The following AP3B2 variants were observed in gnomAD, a reference collection of about 807,000 sequenced individuals.
The protein encoded by AP3B2 is AP-3 complex subunit beta-2.
Under a neutral mutation model 126.9 loss-of-function variants are expected in AP3B2, and 50 were observed. The ratio of observed to expected loss-of-function variants is 0.39; its 90% CI spans 0.31 to 0.50. The LOEUF is 0.50. Ranked by LOEUF, AP3B2 falls within the 20% of genes least tolerant of loss-of-function variation. The probability of loss-of-function intolerance (pLI) is 0.79; values close to 1 mark genes in which losing one functional copy is unlikely to be tolerated. For synonymous variants in AP3B2, 541 were observed against 565.0 expected (o/e 0.96, Z 0.60); for missense variants, 1,177 against 1,426.4 (o/e 0.83, Z 2.82).
intron 25 of AP3B2, 129 bp from the exon 26 acceptor site, chr15:82,660,112 A>C: frequency 8.2e-7 from 1 of 1,212,292 alleles, no homozygotes; most frequent in Non-Finnish European, 1.2e-6. Context: ...TCAGAATTTA[A>C]ATCATCAGTC....
chr15:82,693,249 CA>C (rs1382216048), intron 1 of AP3B2, among the ~76,000 whole-genome samples: 6 of 127,196 alleles, frequency 4.7e-5, no homozygotes, highest in African/African-American at 1.7e-4. Flanking sequence ...TGCTTTGCAG[CA>C]CTTTTTTTTT....
At chr15:82,692,355 A>G (rs900498471) in intron 1 of AP3B2, 34 of 525,844 alleles carry the variant, frequency 6.5e-5, no homozygotes, top group African/African-American at 6.0e-4. Context: ...GCCCAGCCCA[A>G]CATCGGCACC....
chr15:82,681,309 C>T lies in AP3B2; in HGVS notation c.521+111G>A. ...CCATCTCTGTCAGTCCCCCAAACTACCCTCCTCAAACCCTCTGAGAAGCAG... is the reference window on the plus strand; with the variant it reads ...CCATCTCTGTCAGTCCCCCAAACTATCCTCCTCAAACCCTCTGAGAAGCAG... On this transcript the variant is annotated intron_variant, in intron 5 of 26. Coordinates refer to ENST00000535359, the MANE Select transcript of AP3B2 (RefSeq NM_001278512.2). This position sits in a 1 kb window ranked among gnomAD's most constrained non-coding sequence, Gnocchi z 4.0. 6.5e-7 allele frequency: 1 copy of T among 1,538,230 alleles called. No individual in the cohort carries two copies. Among genetic ancestry groups the T allele is most frequent in the Non-Finnish European group, 8.8e-7 (1 of 1,131,846 alleles).
chr15:82,693,885 G>A lies in AP3B2; in HGVS notation c.114-4432C>T, dbSNP rs532608195. Among the ~76,000 whole-genome samples the A allele has an allele frequency of 2.6e-5, 4 of 151,996 alleles. No individual in the cohort carries two copies. In the South Asian group the frequency reaches 6.2e-4, roughly 24 times the overall value. ...CCAGCTAATTTTTGTATTTTTAGTAGAGATGAGGTTTCTCCATGTTGGTCA... is the reference window on the plus strand; with the variant it reads ...CCAGCTAATTTTTGTATTTTTAGTAAAGATGAGGTTTCTCCATGTTGGTCA... On this transcript the variant is annotated intron_variant, in intron 1 of 26. Transcript: ENST00000535359.
chr15:82,701,009 C>T (rs1334873777), intron 1 of AP3B2, among the ~76,000 whole-genome samples: 2 of 152,044 alleles, frequency 1.3e-5, no homozygotes, highest in Non-Finnish European at 1.5e-5. Flanking sequence ...TATAGACATG[C>T]GTTACCACAA....
chr15:82,676,495 A>G lies in AP3B2; in HGVS notation c.1631T>C (p.Leu544Pro). Residue 544 changes from leucine to proline, a missense_variant, in exon 14 of 27, where the codon CTG becomes CCG. This residue lies in a region of AP3B2 where 308 missense variants were observed against 452.4 expected (regional missense o/e 0.68). Coordinates refer to ENST00000535359, the MANE Select transcript of AP3B2 (RefSeq NM_001278512.2). Reference protein sequence around the residue: ...EDIVKLQVINLAAKLYLTNSK... With the variant: ...EDIVKLQVINPAAKLYLTNSK... ...GTTGGTCAGGTAGAGCTTGGCTGCC[A>G]GGTTGATGACCTGCAGCTTGACAAT... The G allele has an allele frequency of 5.0e-6, 8 of 1,614,052 alleles. No individual in the cohort carries two copies. The highest frequency in any genetic ancestry group is 6.8e-6 in the Non-Finnish European group (8 of 1,179,888).
intron 10 of AP3B2, among the ~76,000 whole-genome samples, chr15:82,678,862 T>G (rs2048285072): frequency 6.6e-6 from 1 of 152,248 alleles, no homozygotes; most frequent in Non-Finnish European, 1.5e-5. Context: ...TTGCTCATCA[T>G]GTACCCCTAG....
At chr15:82,696,029 T>C (rs528993260) in intron 1 of AP3B2, among the ~76,000 whole-genome samples, 3 of 152,316 alleles carry the variant, frequency 2.0e-5, no homozygotes, top group South Asian at 4.1e-4. Flanking sequence ...TTCTGTCTCT[T>C]ACAACCATCT....
At chr15:82,683,301 C>A (rs979031491) in intron 4 of AP3B2, among the ~76,000 whole-genome samples, 1 of 152,170 alleles carries the variant, frequency 6.6e-6, no homozygotes, top group Non-Finnish European at 1.5e-5. Context: ...TCGTGATCCA[C>A]CCACCTCGGC....
At chr15:82,676,285 G>C (rs1260444044) in intron 14 of AP3B2, among the ~76,000 whole-genome samples, 176 bp downstream of exon 14, 2 of 152,182 alleles carry the variant, frequency 1.3e-5, no homozygotes, top group East Asian at 3.9e-4. Flanking sequence ...AGCACTACAA[G>C]GTCTTTGTGG....
At chr15:82,695,101 T>C (rs2048611994) in intron 1 of AP3B2, among the ~76,000 whole-genome samples, 1 of 149,470 alleles carries the variant, frequency 6.7e-6, no homozygotes, top group Admixed American at 6.6e-5. Context: ...CTTTCTTTTT[T>C]TTTTTTTTTT....
At position 82,680,142 on chromosome 15, in the gene AP3B2, G is replaced by A. The variant is rs1011656882; in HGVS notation, c.1110+33C>T. The A allele has an allele frequency of 9.3e-6, 15 of 1,612,094 alleles. No homozygotes were observed. Among genetic ancestry groups the A allele is most frequent in the Non-Finnish European group, 1.3e-5 (15 of 1,179,624 alleles). On this transcript the variant is annotated intron_variant, in intron 9 of 26. Coordinates refer to ENST00000535359, the MANE Select transcript of AP3B2 (RefSeq NM_001278512.2). The surrounding 1 kb of genome is among the most constrained non-coding windows in gnomAD (Gnocchi z 6.1). ...CCAGTGCCCGCAGAAGCGGCCCTCG[G>A]ACAGCGAGGACAGCCCGCCGTCGCA...
intron 1 of AP3B2, chr15:82,699,513 T>C: frequency 2.5e-6 from 1 of 398,472 alleles, no homozygotes; most frequent in Non-Finnish European, 4.4e-6. Flanking sequence ...GGACCCTAAA[T>C]GCCAGCCTAA....
chr15:82,702,846 T>C (rs4779053), intron 1 of AP3B2, among the ~76,000 whole-genome samples: 89,656 of 151,978 alleles, frequency 0.59, 26,555 homozygotes, highest in Non-Finnish European at 0.63. Context: ...GCTCTTTGCT[T>C]CATGATAAAG....
chr15:82,692,998 A>G (rs2048567700), intron 1 of AP3B2, among the ~76,000 whole-genome samples: 1 of 152,158 alleles, frequency 6.6e-6, no homozygotes, highest in Non-Finnish European at 1.5e-5. Flanking sequence ...AAGAACTCCA[A>G]AGAATATTTT....
intron 10 of AP3B2, among the ~76,000 whole-genome samples, chr15:82,679,359 G>A (rs951647593): frequency 1.3e-5 from 2 of 152,170 alleles, no homozygotes; most frequent in Non-Finnish European, 2.9e-5. Context: ...CCTGACCTCA[G>A]GCGATCTGCC....
At chr15:82,697,422 G>T (rs942645365) in intron 1 of AP3B2, among the ~76,000 whole-genome samples, 1 of 152,186 alleles carries the variant, frequency 6.6e-6, no homozygotes, top group Non-Finnish European at 1.5e-5. Flanking sequence ...AGAAATTGGG[G>T]ATAGCACTGT....
In AP3B2 at chr15:82,662,766, G is replaced by C; in HGVS notation, c.2761C>G (p.Pro921Ala). The C allele has an allele frequency of 6.2e-7, 1 of 1,613,886 alleles. No homozygotes were observed. Among genetic ancestry groups the C allele is most frequent in the African/African-American group, 1.3e-5 (1 of 75,064 alleles). ...HIHFSNSSDT[P>A]IKGLHVGTPK... is the part of the protein sequence containing the mutation. ...GTGCCCACATGCAGGCCCTTGATGG[G>C]GGTATCAGAGCTGTTGGAGAAGTGG... Residue 921 changes from proline to alanine, a missense_variant, in exon 23 of 27, where the codon CCC becomes GCC. Physicochemically the swap from Pro to Ala is conservative, Grantham distance 27. This residue lies in a region of AP3B2 where 587 missense variants were observed against 571.3 expected (regional missense o/e 1.03). Coordinates refer to ENST00000535359, the MANE Select transcript of AP3B2 (RefSeq NM_001278512.2).
chr15:82,689,016 G>A (rs2151449072), intron 3 of AP3B2, 142 bp downstream of exon 3: 1 of 1,073,466 alleles, frequency 9.3e-7, no homozygotes, highest in East Asian at 2.6e-5. Flanking sequence ...CAGGGACATG[G>A]AGACAGTGTC....
Sources: gnomAD v4.1 joint callset for allele counts (sites outside exome capture counted in the v4.1 genomes callset) on GRCh38, gnomAD v4.1.1 for gene constraint, gnomAD v4.1.1 regional missense constraint, Gnocchi (gnomAD v3.1) non-coding constraint, MANE v1.5 for transcripts, NCBI Gene and HGNC (gene_info 2026-07-23, HGNC 2026-07-21) for gene names.